Variants in E2F7 observed in about 807,000 individuals in gnomAD.
The protein encoded by E2F7 is E2F transcription factor 7, also known as transcription factor E2F7.
E2F7 carries 35 observed loss-of-function variants against 81.1 expected under a neutral mutation model. The ratio of observed to expected loss-of-function variants is 0.43; its 90% CI spans 0.33 to 0.57. The LOEUF (loss-of-function observed/expected upper bound fraction) is 0.57, where lower values mean the gene tolerates loss of function less well. Among genes scored for constraint, E2F7 ranks in the 20% least tolerant of loss-of-function variants. E2F7 has a pLI of 0.04. For missense variants in E2F7, 961 were observed against 1,093.7 expected, an observed-to-expected ratio of 0.88 and a Z score of 1.71; for synonymous variants, 416 against 416.2, an observed-to-expected ratio of 1.00 and a Z score of 0.01.
chr12:77,040,920 A>T (rs944175623), intron 7 of E2F7, among the ~76,000 whole-genome samples: 3 of 152,220 alleles, frequency 2.0e-5, no homozygotes, highest in Non-Finnish European at 4.4e-5. Context: ...AAGAGGAGAA[A>T]GACATTTATG....
intron 3 of E2F7, among the ~76,000 whole-genome samples, chr12:77,051,563 C>T (rs983019384): frequency 6.6e-6 from 1 of 151,936 alleles, no homozygotes. Flanking sequence ...GTGCAGCACA[C>T]CAACATGGGA....
chr12:77,048,798 C>T (rs1271804131), intron 4 of E2F7, among the ~76,000 whole-genome samples: 1 of 152,190 alleles, frequency 6.6e-6, no homozygotes, highest in Non-Finnish European at 1.5e-5. Flanking sequence ...CAACGATCTG[C>T]AGCCATACAA....
In E2F7 at chr12:77,023,040, G is replaced by A. The variant is rs1179020710; in HGVS notation, c.*975C>T. The A allele has an allele frequency of 6.6e-6, 1 of 152,124 alleles. No individual in the cohort carries two copies. Among genetic ancestry groups the A allele is most frequent in the African/African-American group, 2.4e-5 (1 of 41,422 alleles). 9.4% of individuals were successfully genotyped at this position (152,124 alleles called of 1,614,324 possible). On this transcript the variant is annotated 3_prime_UTR_variant, in exon 13 of 13. Transcript: ENST00000322886. ...ATTACTCTTCAGAATTCAACGAAAA[G>A]GTCTCATCCAGGTTCCAATTTTCCA...
chr12:77,051,751 T>G (rs985775961), intron 3 of E2F7, among the ~76,000 whole-genome samples: 6 of 152,140 alleles, frequency 3.9e-5, no homozygotes, highest in African/African-American at 1.4e-4. Flanking sequence ...TCCCTTAAAG[T>G]CAGGAAACAA....
rs1954956694 is a variant in E2F7 at position 77,047,934 on chromosome 12, GACCGCA to G, written c.539-1612_539-1607del. Among the ~76,000 whole-genome samples, 3 of 152,224 alleles carry G rather than the reference GACCGCA, an allele frequency of 2.0e-5. No individual in the cohort carries two copies. The South Asian group carries it at 6.2e-4, about 32-fold the overall frequency. On this transcript the variant is annotated intron_variant, in intron 4 of 12. Coordinates refer to ENST00000322886, the MANE Select transcript of E2F7 (RefSeq NM_203394.3). ...AACCTTCCCATTAGAAATATCATGT[GACCGCA>G]ACTGACACCCCAGGGCCAGCCATAT...
In E2F7 at chr12:77,054,090, G is replaced by A. The variant is rs180985062; in HGVS notation, c.369+1765C>T. Among the ~76,000 whole-genome samples the A allele has an allele frequency of 8.5e-5, 13 of 152,188 alleles. No homozygotes were observed. The East Asian group carries it at 2.3e-3, about 27-fold the overall frequency. ...GCCTACTTGAGGGTAGAGGGTGAGAGGAGGGTGAGAATTGAAAAACTACCT... is the reference window on the plus strand; with the variant it reads ...GCCTACTTGAGGGTAGAGGGTGAGAAGAGGGTGAGAATTGAAAAACTACCT... On this transcript the variant is annotated intron_variant, in intron 3 of 12. Coordinates refer to ENST00000322886, the MANE Select transcript of E2F7 (RefSeq NM_203394.3).
At chr12:77,024,818 G>A (rs1303607195) in intron 12 of E2F7, among the ~76,000 whole-genome samples, 3 of 152,036 alleles carry the variant, frequency 2.0e-5, no homozygotes, top group Non-Finnish European at 1.5e-5. Flanking sequence ...TCAATGTCTC[G>A]CAAACTTTTG....
rs1954938563 is a variant in E2F7, at chr12:77,046,130, A to G, written c.737T>C (p.Ile246Thr). 1 of 1,614,126 alleles carries G rather than the reference A, an allele frequency of 6.2e-7. No homozygotes were observed. Among genetic ancestry groups the G allele is most frequent in the South Asian group, 1.1e-5 (1 of 91,060 alleles). The change falls in exon 5 of 13, where the codon ATA becomes ACA. Residue 246 changes from isoleucine (I) to threonine (T), a missense_variant. Ile to Thr is a moderately conservative substitution (Grantham distance 89). This residue lies in a region of E2F7 where 301 missense variants were observed against 405.0 expected (regional missense o/e 0.74). Coordinates refer to ENST00000322886, the MANE Select transcript of E2F7 (RefSeq NM_203394.3). ...AYLQQKELDL[I>T]DYKFGERKKD... ...TTTACGTTCTCCAAATTTATAATCT[A>G]TCAGGTCCAGCTCTTTCTGTTGGAG...
At chr12:77,044,537 A>G (rs1313739717) in intron 6 of E2F7, 100 bp downstream of exon 6, 2 of 1,448,946 alleles carry the variant, frequency 1.4e-6, no homozygotes, top group Admixed American at 2.1e-5. Context: ...ATGTATGTCA[A>G]AAACAATATA....
At chr12:77,035,293 T>C (rs1306766764) in intron 7 of E2F7, among the ~76,000 whole-genome samples, 1 of 152,108 alleles carries the variant, frequency 6.6e-6, no homozygotes, top group Non-Finnish European at 1.5e-5. Context: ...AGAAAGAGAA[T>C]GCTGGGGATT....
rs1592551242 is a variant in E2F7 at position 77,023,549 on chromosome 12, G to C, written c.*466C>G. On this transcript the variant is annotated 3_prime_UTR_variant, in exon 13 of 13. Coordinates refer to ENST00000322886, the MANE Select transcript of E2F7 (RefSeq NM_203394.3). ...AGGAACAAAATAAATAACACCATAG[G>C]ATTCACAACTGAAGGTGGCTTCCTG... 1 of 153,412 alleles carries C rather than the reference G, an allele frequency of 6.5e-6. No individual in the cohort carries two copies. The highest frequency in any genetic ancestry group is 1.5e-5 in the Non-Finnish European group (1 of 68,640). The allele number at this position is 153,412 out of a possible 1,614,324, so 9.5% of individuals were successfully genotyped here.
chr12:77,039,961 G>A (rs1436479232), intron 7 of E2F7, among the ~76,000 whole-genome samples: 1 of 152,178 alleles, frequency 6.6e-6, no homozygotes, highest in Non-Finnish European at 1.5e-5. Flanking sequence ...TATGCTGAGT[G>A]AAAGGAGCCG....
chr12:77,052,950 T>A (rs310805), intron 3 of E2F7, among the ~76,000 whole-genome samples: 149,136 of 152,288 alleles, frequency 0.98, 73,085 homozygotes, highest in Middle Eastern at 1. Context: ...AAAGCAAATG[T>A]ATATCACAAA....
rs1230892739 is a variant in E2F7 at position 77,033,962 on chromosome 12, T to C, written c.1204A>G (p.Lys402Glu). 1.2e-6 allele frequency: 2 copies of C among 1,614,220 alleles called. No individual in the cohort carries two copies. The highest frequency in any genetic ancestry group is 3.3e-5 in the Admixed American group (2 of 60,028). The change falls in exon 8 of 13, where the codon AAA becomes GAA. Residue 402 changes from lysine to glutamate, a missense_variant. Physicochemically the swap from Lys to Glu is moderately conservative, Grantham distance 56. Coordinates refer to ENST00000322886, the MANE Select transcript of E2F7 (RefSeq NM_203394.3). ...ETYGQIQVCA[K>E]QKLARHGSFN... ...GAACCATGGCGAGCCAGCTTCTGTT[T>C]TGCACAGACTTGAATCTGGCCATAT...
At chr12:77,050,449 C>T (rs578172990) in intron 4 of E2F7, 127 bp downstream of exon 4, 5 of 907,076 alleles carry the variant, frequency 5.5e-6, no homozygotes, top group African/African-American at 5.0e-5. Context: ...ACAAAGGAAG[C>T]TCTGCCTGTT....
intron 10 of E2F7, 118 bp downstream of exon 10, chr12:77,029,713 G>T: frequency 6.8e-7 from 1 of 1,474,140 alleles, no homozygotes; most frequent in Non-Finnish European, 9.1e-7. Flanking sequence ...TTATGCAAGT[G>T]ACATGAAACA....
rs144548802 is a variant in E2F7, at chr12:77,058,057, C to T, written c.94-1927G>A. Reference sequence around the variant, plus strand: ...GCTGCATGCTAGCCATGGCAACATTCGGTCCTAGTATAAGAGGAAGGAGAG... The same window carrying T: ...GCTGCATGCTAGCCATGGCAACATTTGGTCCTAGTATAAGAGGAAGGAGAG... On this transcript the variant is annotated intron_variant, in intron 2 of 12. Coordinates refer to ENST00000322886, the MANE Select transcript of E2F7 (RefSeq NM_203394.3). Among the ~76,000 whole-genome samples the T allele has an allele frequency of 1.4e-4, 21 of 152,284 alleles. No homozygotes were observed. In the East Asian group the frequency reaches 3.7e-3, roughly 27 times the overall value.
chr12:77,030,146 A>G lies in E2F7; in HGVS notation c.1569T>C (p.Asp523=). The G allele has an allele frequency of 6.2e-7, 1 of 1,614,198 alleles. No homozygotes were observed. Among genetic ancestry groups the G allele is most frequent in the Admixed American group, 1.7e-5 (1 of 60,024 alleles). ...CAGAGGCTGCAGAAGCAAGTGAGACATCCACTTGTCCATTCAGACCGTTCT... is the reference window on the plus strand; with the variant it reads ...CAGAGGCTGCAGAAGCAAGTGAGACGTCCACTTGTCCATTCAGACCGTTCT... ...SMQNGLNGQV[D]VSLASAASAV... Residue 523 remains aspartate, a synonymous_variant, in exon 10 of 13, where the codon GAT becomes GAC. Coordinates refer to ENST00000322886, the MANE Select transcript of E2F7 (RefSeq NM_203394.3).
intron 7 of E2F7, 108 bp downstream of exon 7, chr12:77,042,957 T>A (rs1188531117): frequency 6.5e-7 from 1 of 1,534,278 alleles, no homozygotes; most frequent in Non-Finnish European, 8.9e-7. Flanking sequence ...CTATTTTGTA[T>A]GTGACATGGG....
Sources: gnomAD v4.1 joint callset for allele counts (sites outside exome capture counted in the v4.1 genomes callset) on GRCh38, gnomAD v4.1.1 for gene constraint, gnomAD v4.1.1 regional missense constraint, MANE v1.5 for transcripts, NCBI Gene and HGNC (gene_info 2026-07-23, HGNC 2026-07-21) for gene names.